FMN1: variants seen among roughly 807,000 people sequenced by gnomAD.
FMN1 encodes the protein formin 1, also known as formin-1.
Under a neutral mutation model 132.4 loss-of-function variants are expected in FMN1, and 110 were observed. That is an observed-to-expected ratio of 0.83 (90% CI 0.71 to 0.97). The LOEUF (loss-of-function observed/expected upper bound fraction) is 0.97. Among genes scored for constraint, FMN1 ranks in the 50% least tolerant of loss-of-function variants. The pLI is 0.00. For missense variants in FMN1, 1,792 were observed against 1,705.3 expected (o/e 1.05, Z -0.90); for synonymous variants, 722 against 651.7 (o/e 1.11, Z -1.64).
At chr15:33,080,118 G>T (rs1304508536) in intron 5 of FMN1, among the ~76,000 whole-genome samples, 1 of 152,146 alleles carries the variant, frequency 6.6e-6, no homozygotes, top group Non-Finnish European at 1.5e-5. Flanking sequence ...ACATTGTCAC[G>T]AATATCCTAA....
chr15:33,066,606 G>C, intron 5 of FMN1: 1 of 1,613,804 alleles, frequency 6.2e-7, no homozygotes, highest in Non-Finnish European at 8.5e-7. Flanking sequence ...TTGCGCTTGA[G>C]AGCTTCCAGC....
intron 4 of FMN1, among the ~76,000 whole-genome samples, chr15:33,119,876 A>G (rs1002967502): frequency 1.3e-5 from 2 of 152,214 alleles, no homozygotes; most frequent in Non-Finnish European, 2.9e-5. Flanking sequence ...TAAACTATGA[A>G]AAATCACTGT....
At chr15:33,024,210 T>G (rs566713426) in intron 6 of FMN1, among the ~76,000 whole-genome samples, 1 of 145,334 alleles carries the variant, frequency 6.9e-6, no homozygotes, top group Non-Finnish European at 1.5e-5. Context: ...GAATACTATT[T>G]CACACCTATC....
At chr15:32,808,383 C>T (rs894142881) in intron 17 of FMN1, among the ~76,000 whole-genome samples, 4 of 152,226 alleles carry the variant, frequency 2.6e-5, no homozygotes, top group African/African-American at 9.7e-5. Context: ...ACCTACCCTC[C>T]CACATAGTTG....
intron 4 of FMN1, among the ~76,000 whole-genome samples, chr15:33,092,276 T>C (rs1020909671): frequency 2.6e-5 from 4 of 152,170 alleles, no homozygotes; most frequent in African/African-American, 9.7e-5. Flanking sequence ...AAGGTAATAA[T>C]ATGCCATTTA....
At chr15:32,972,890 T>C (rs11632244) in intron 7 of FMN1, among the ~76,000 whole-genome samples, 8,414 of 152,208 alleles carry the variant, frequency 0.055, 303 homozygotes, top group Non-Finnish European at 0.081. Context: ...CCCCAATGTG[T>C]TCCTCCTCTG....
intron 4 of FMN1, among the ~76,000 whole-genome samples, chr15:33,128,920 TATTGGTCCATTTTACAGAGTGCTG>T (rs71424692): frequency 2.9e-4 from 35 of 120,482 alleles, no homozygotes; most frequent in Admixed American, 8.5e-4. Context: ...ATGCCCTGCT[TATTGGTCCATTTTACAGAGTGCTG>T]ATTGGTCCAT....
intron 4 of FMN1, among the ~76,000 whole-genome samples, chr15:33,090,430 G>GT (rs2038862446): frequency 6.6e-6 from 1 of 152,116 alleles, no homozygotes; most frequent in Admixed American, 6.5e-5. Context: ...TGCCTGTTTG[G>GT]TTTATTAGTT....
At chr15:33,063,947 C>T (rs376294409) in intron 6 of FMN1, 8 of 152,142 alleles carry the variant, frequency 5.3e-5, no homozygotes, top group African/African-American at 1.9e-4. Context: ...AGTTTTCATC[C>T]TGTAAGTCAA....
intron 6 of FMN1, among the ~76,000 whole-genome samples, chr15:33,019,528 A>AG (rs1406825869): frequency 2.6e-5 from 4 of 152,120 alleles, no homozygotes; most frequent in Non-Finnish European, 5.9e-5. Flanking sequence ...GCCCTGGAGT[A>AG]GGGGGCGGCG....
intron 6 of FMN1, among the ~76,000 whole-genome samples, chr15:33,028,102 C>T (rs1009266861): frequency 6.6e-6 from 1 of 152,190 alleles, no homozygotes; most frequent in African/African-American, 2.4e-5. Flanking sequence ...ATATTACAAT[C>T]ACCTGGGGAG....
At chr15:32,805,981 G>A (rs1026040217) in intron 17 of FMN1, among the ~76,000 whole-genome samples, 3 of 151,406 alleles carry the variant, frequency 2.0e-5, no homozygotes, top group Non-Finnish European at 4.4e-5. Context: ...ATTTTGGGGT[G>A]GTTCTTTTAT....
chr15:32,882,353 A>G (rs924307049), intron 16 of FMN1, among the ~76,000 whole-genome samples: 1 of 152,220 alleles, frequency 6.6e-6, no homozygotes, highest in Non-Finnish European at 1.5e-5. Context: ...AACACAGGTA[A>G]TAACACTTAC....
chr15:32,798,668 A>T, intron 19 of FMN1, 136 bp downstream of exon 19: 3 of 765,510 alleles, frequency 3.9e-6, no homozygotes, highest in Non-Finnish European at 2.0e-6. Context: ...TCCCTGAGGC[A>T]AAAAGTCCTT....
At chr15:32,937,054 C>T (rs763771622) in intron 9 of FMN1, among the ~76,000 whole-genome samples, 22 of 152,124 alleles carry the variant, frequency 1.4e-4, no homozygotes, top group Non-Finnish European at 2.6e-4. Context: ...ACGGATGCTC[C>T]GACTTTTTCC....
intron 4 of FMN1, among the ~76,000 whole-genome samples, chr15:33,104,408 G>C (rs1057343902): frequency 9.9e-5 from 15 of 152,094 alleles, no homozygotes; most frequent in African/African-American, 3.6e-4. Context: ...CTAAGGAATA[G>C]AAGCACCAAA....
At chr15:33,010,194 G>T (rs77133202) in intron 6 of FMN1, among the ~76,000 whole-genome samples, 8,597 of 152,222 alleles carry the variant, frequency 0.056, 294 homozygotes, top group South Asian at 0.095. Context: ...CAGAGTGAAA[G>T]AAGTCAGTCT....
intron 4 of FMN1, among the ~76,000 whole-genome samples, chr15:33,119,272 C>T (rs1397789713): frequency 6.6e-6 from 1 of 152,198 alleles, no homozygotes; most frequent in East Asian, 1.9e-4. Flanking sequence ...TACCGACCTC[C>T]TGTGCCGGCA....
At chr15:33,023,072 A>AAG (rs1218927921) in intron 6 of FMN1, among the ~76,000 whole-genome samples, 1,101 of 78,158 alleles carry the variant, frequency 0.014, 24 homozygotes, top group African/African-American at 0.043. Context: ...AAAAAAAAAA[A>AAG]AAAAAGAAAA....
Sources: allele counts gnomAD v4.1 joint callset (sites outside exome capture counted in the v4.1 genomes callset), GRCh38; gene constraint gnomAD v4.1.1; transcripts MANE v1.5; gene names NCBI Gene and HGNC (gene_info 2026-07-23, HGNC 2026-07-21).